STOML3: variants seen among roughly 807,000 people sequenced by gnomAD.
STOML3 encodes stomatin like 3, also known as stomatin-like protein 3.
In STOML3, 31 loss-of-function variants were observed where a neutral mutation model predicts 29.5. The observed-to-expected ratio is 1.05, with a 90% CI of 0.79 to 1.42. The LOEUF is 1.42. STOML3 is among the 40% of genes most tolerant of loss of function. The probability of loss-of-function intolerance (pLI) is 0.00; values close to 1 mark genes in which losing one functional copy is unlikely to be tolerated. For synonymous variants in STOML3, 122 were observed against 139.8 expected, an observed-to-expected ratio of 0.87 and a Z score of 0.90; for missense variants, 380 against 363.0, an observed-to-expected ratio of 1.05 and a Z score of -0.38.
chr13:38,989,891 G>A (rs1244771539), intron 1 of STOML3, among the ~76,000 whole-genome samples: 3 of 151,888 alleles, frequency 2.0e-5, no homozygotes, highest in South Asian at 4.2e-4. Flanking sequence ...ACAGAGCACA[G>A]GTTAGGTCAT....
intron 4 of STOML3, among the ~76,000 whole-genome samples, chr13:38,970,687 A>C (rs1014522746): frequency 2.6e-5 from 4 of 152,214 alleles, no homozygotes; most frequent in African/African-American, 9.6e-5. Flanking sequence ...AAATGTTAAC[A>C]GTACAGCCCT....
At chr13:38,989,237 C>A (rs1446837106) in intron 1 of STOML3, among the ~76,000 whole-genome samples, 1 of 151,624 alleles carries the variant, frequency 6.6e-6, no homozygotes, top group African/African-American at 2.4e-5. Flanking sequence ...ATATCGAAAC[C>A]AAGAAAACTC....
chr13:38,987,957 T>A (rs1456766926), intron 1 of STOML3, among the ~76,000 whole-genome samples: 19 of 80,834 alleles, frequency 2.4e-4, no homozygotes, highest in African/African-American at 8.5e-4. Flanking sequence ...TATATTATAT[T>A]TTATATAATA....
At chr13:38,976,151 C>A (rs1881066643) in intron 3 of STOML3, among the ~76,000 whole-genome samples, 1 of 152,102 alleles carries the variant, frequency 6.6e-6, no homozygotes, top group African/African-American at 2.4e-5. Flanking sequence ...CATCAAACAC[C>A]AGCTCTCAAT....
chr13:38,984,695 C>T (rs1868439130), intron 1 of STOML3, among the ~76,000 whole-genome samples: 2 of 152,172 alleles, frequency 1.3e-5, no homozygotes, highest in South Asian at 4.1e-4. Flanking sequence ...CTATGATGTT[C>T]TCACAATGAC....
chr13:38,981,924 G>A (rs988080701), intron 1 of STOML3, among the ~76,000 whole-genome samples: 26 of 152,154 alleles, frequency 1.7e-4, no homozygotes, highest in Admixed American at 1.4e-3. Flanking sequence ...ATACCTGAGA[G>A]CAATGACTAC....
chr13:38,982,458 C>T (rs1335251610), intron 1 of STOML3, among the ~76,000 whole-genome samples: 2 of 151,954 alleles, frequency 1.3e-5, no homozygotes, highest in African/African-American at 2.4e-5. Context: ...CTCAAGGTCT[C>T]GGGAGCTAAC....
intron 6 of STOML3, among the ~76,000 whole-genome samples, 190 bp downstream of exon 6, chr13:38,968,209 AC>A (rs1236247913): frequency 1.3e-5 from 2 of 152,190 alleles, no homozygotes; most frequent in East Asian, 3.9e-4. Context: ...AAGACCTGCT[AC>A]CAAACTTCCT....
chr13:38,986,643 A>AG (rs1868580929), intron 1 of STOML3, among the ~76,000 whole-genome samples: 2 of 152,198 alleles, frequency 1.3e-5, no homozygotes, highest in African/African-American at 4.8e-5. Context: ...GGAAAACACG[A>AG]GGGGTAAACA....
intron 1 of STOML3, among the ~76,000 whole-genome samples, chr13:38,980,769 C>T (rs17226219): frequency 0.033 from 4,977 of 152,272 alleles, 113 homozygotes; most frequent in South Asian, 0.1. Flanking sequence ...CTATGCCAAA[C>T]GCTGTGCTGG....
intron 1 of STOML3, among the ~76,000 whole-genome samples, chr13:38,982,260 A>C (rs998022373): frequency 6.6e-6 from 1 of 151,992 alleles, no homozygotes; most frequent in Non-Finnish European, 1.5e-5. Flanking sequence ...AAATAATAAT[A>C]ATAAAACAAA....
intron 1 of STOML3, among the ~76,000 whole-genome samples, chr13:38,981,391 T>G (rs1314661145): frequency 6.6e-6 from 1 of 152,164 alleles, no homozygotes; most frequent in African/African-American, 2.4e-5. Flanking sequence ...CAAGGCAAGA[T>G]TGGCTACTTG....
At chr13:38,981,046 A>C (rs888514505) in intron 1 of STOML3, among the ~76,000 whole-genome samples, 1 of 152,228 alleles carries the variant, frequency 6.6e-6, no homozygotes, top group Non-Finnish European at 1.5e-5. Context: ...TCAGCTATGG[A>C]AGCTGAGGCC....
chr13:38,986,281 T>A (rs1241311208), intron 1 of STOML3, among the ~76,000 whole-genome samples: 1 of 152,016 alleles, frequency 6.6e-6, no homozygotes, highest in Non-Finnish European at 1.5e-5. Context: ...GTGATCCACC[T>A]GCCTCGGCCT....
rs1201599166 is a variant in STOML3, at chr13:38,968,342, C to G, written c.651+58G>C. ...CCCAATCTTCTGTTCAAGTCCTATC[C>G]TTGTTGGCCCCAACACTAGGCAGTT... On this transcript the variant is annotated intron_variant, in intron 6 of 6. Transcript: ENST00000379631. 5 of 1,586,332 alleles carry G rather than the reference C, an allele frequency of 3.2e-6. No homozygotes were observed. The African/African-American group carries it at 6.7e-5, about 21-fold the overall frequency.
intron 6 of STOML3, among the ~76,000 whole-genome samples, chr13:38,967,800 T>C (rs1474575813): frequency 1.3e-5 from 2 of 152,198 alleles, no homozygotes; most frequent in East Asian, 3.9e-4. Context: ...GGGATCCCAG[T>C]AGATTTCTGA....
At chr13:38,976,518 G>T (rs369229214) in intron 3 of STOML3, 22 bp downstream of exon 3, 3 of 1,612,842 alleles carry the variant, frequency 1.9e-6, no homozygotes, top group Non-Finnish European at 1.7e-6. Flanking sequence ...TCTTTCAGGG[G>T]CAGCCACCGC....
intron 1 of STOML3, among the ~76,000 whole-genome samples, chr13:38,983,594 G>A (rs1881340805): frequency 6.6e-6 from 1 of 152,144 alleles, no homozygotes; most frequent in Admixed American, 6.5e-5. Context: ...GACATTATAA[G>A]CTCCTTCAGA....
intron 1 of STOML3, chr13:38,980,254 C>CTGCTGTCA: frequency 1.1e-6 from 1 of 917,094 alleles, no homozygotes; most frequent in Non-Finnish European, 1.6e-6. Flanking sequence ...TCATTAGCTG[C>CTGCTGTCA]CAGTTAAAGT....
Sources: gnomAD v4.1 joint callset for allele counts (sites outside exome capture counted in the v4.1 genomes callset) on GRCh38, gnomAD v4.1.1 for gene constraint, MANE v1.5 for transcripts, NCBI Gene and HGNC (gene_info 2026-07-23, HGNC 2026-07-21) for gene names.